The following CERS3 variants were observed in gnomAD, a reference collection of about 807,000 sequenced individuals.
The protein encoded by CERS3 is LAG1 homolog, ceramide synthase 3.
Under a neutral mutation model 50.3 loss-of-function variants are expected in CERS3, and 33 were observed. The observed-to-expected ratio is 0.66, with a 90% confidence interval of 0.50 to 0.88. The LOEUF is 0.88. Ranked by LOEUF, CERS3 falls within the 40% of genes least tolerant of loss-of-function variation. The pLI, the probability that CERS3 is intolerant of heterozygous loss-of-function variation, is 0.00. For missense variants in CERS3, 470 were observed against 460.3 expected (o/e 1.02, Z -0.19); for synonymous variants, 176 against 155.2 (o/e 1.13, Z -0.99).
At chr15:100,472,778 A>T in intron 9 of CERS3, 146 bp downstream of exon 9, 2 of 887,650 alleles carry the variant, frequency 2.3e-6, no homozygotes. Context: ...GTAATCTTGG[A>T]GGATCTGGGA....
chr15:100,490,358 G>A (rs577838380), intron 4 of CERS3, among the ~76,000 whole-genome samples: 1 of 152,056 alleles, frequency 6.6e-6, no homozygotes, highest in South Asian at 2.1e-4. Context: ...TTGAGGCTTT[G>A]AATAAAATAA....
chr15:100,477,082 A>G (rs2035150900), intron 7 of CERS3, among the ~76,000 whole-genome samples: 1 of 152,234 alleles, frequency 6.6e-6, no homozygotes, highest in African/African-American at 2.4e-5. Context: ...TTGACACCAC[A>G]TGGAGCAGAA....
rs535422341 is a variant in CERS3, at chr15:100,468,732, A to C, written c.845+646T>G. Among the ~76,000 whole-genome samples the C allele has an allele frequency of 2.0e-5, 3 of 152,342 alleles. No individual in the cohort carries two copies. In the South Asian group the frequency reaches 6.2e-4, roughly 32 times the overall value. On this transcript the variant is annotated intron_variant, in intron 10 of 11. Coordinates refer to ENST00000679737, the MANE Select transcript of CERS3 (RefSeq NM_001378789.1). Reference sequence around the variant, plus strand: ...CAACACATGGAACATTATGCTTCCCAAGGAAATGATTGTCATGGGAGATGT... The same window carrying C: ...CAACACATGGAACATTATGCTTCCCCAGGAAATGATTGTCATGGGAGATGT...
chr15:100,433,553 G>T (rs1232743891), intron 11 of CERS3, among the ~76,000 whole-genome samples: 1 of 152,144 alleles, frequency 6.6e-6, no homozygotes, highest in Admixed American at 6.5e-5. Flanking sequence ...CATCTCTGAA[G>T]GGCCACCCAG....
chr15:100,413,299 C>T (rs2031627415), intron 11 of CERS3, among the ~76,000 whole-genome samples: 1 of 152,112 alleles, frequency 6.6e-6, no homozygotes, highest in African/African-American at 2.4e-5. Context: ...AGTAAAGCAA[C>T]ATTCAAGGAA....
chr15:100,468,329 C>G (rs947505908), intron 10 of CERS3, among the ~76,000 whole-genome samples: 2 of 152,080 alleles, frequency 1.3e-5, no homozygotes, highest in Non-Finnish European at 1.5e-5. Flanking sequence ...TCACAAAGGT[C>G]GTAAGTGTGG....
Position 100,484,649 on chromosome 15 carries a change from G to C in CERS3, c.308C>G (p.Ala103Gly). The C allele has an allele frequency of 3.7e-6, 6 of 1,613,606 alleles. No individual in the cohort carries two copies. Among genetic ancestry groups the C allele is most frequent in the Non-Finnish European group, 5.1e-6 (6 of 1,179,620 alleles). The change falls in exon 5 of 12, where the codon GCA becomes GGA. Residue 103 changes from alanine to glycine, a missense_variant. Transcript: ENST00000679737. ...QPLQTDIYGLAKKCNLTERQV... is the reference protein window; with the variant it reads ...QPLQTDIYGLGKKCNLTERQV... ...GCGCTCCGTCAAGTTACACTTCTTT[G>C]CCAGTCCATAAATATCAGTCTGAAA...
intron 11 of CERS3, among the ~76,000 whole-genome samples, chr15:100,429,537 A>G (rs2033005150): frequency 6.6e-6 from 1 of 152,072 alleles, no homozygotes; most frequent in African/African-American, 2.4e-5. Context: ...GCTTCCTTTC[A>G]TATTTGGGGC....
At position 100,484,988 on chromosome 15, in the gene CERS3, C is replaced by T. The variant is rs78067570; in HGVS notation, c.289-320G>A. Among the ~76,000 whole-genome samples, 642 of 152,264 alleles carry T rather than the reference C, an allele frequency of 4.2e-3. 2 individuals carry two copies. Among genetic ancestry groups the T allele is most frequent in the Non-Finnish European group, 7.5e-3 (510 of 68,012 alleles). ...TAAAATGTGCTTAGGACTTCCCAGGCGCCAGGTAGAGTAGCATAGTTTAAA... is the reference window on the plus strand; with the variant it reads ...TAAAATGTGCTTAGGACTTCCCAGGTGCCAGGTAGAGTAGCATAGTTTAAA... On this transcript the variant is annotated intron_variant, in intron 4 of 11. Coordinates refer to ENST00000679737, the MANE Select transcript of CERS3 (RefSeq NM_001378789.1).
At chr15:100,498,810 T>C (rs767633199) in intron 3 of CERS3, among the ~76,000 whole-genome samples, 3 of 152,248 alleles carry the variant, frequency 2.0e-5, no homozygotes, top group Non-Finnish European at 4.4e-5. Context: ...CACTAGCCTA[T>C]TGGCATAAGA....
At chr15:100,471,798 G>T (rs966666108) in intron 9 of CERS3, among the ~76,000 whole-genome samples, 1 of 152,176 alleles carries the variant, frequency 6.6e-6, no homozygotes, top group Non-Finnish European at 1.5e-5. Flanking sequence ...AATTCTGTAC[G>T]CAGAGGATAT....
At chr15:100,403,866 A>T (rs1330023467) in intron 11 of CERS3, among the ~76,000 whole-genome samples, 1 of 144,472 alleles carries the variant, frequency 6.9e-6, no homozygotes, top group East Asian at 2.2e-4. Flanking sequence ...ATAGAAGAGG[A>T]GGGAACAGGT....
At chr15:100,438,450 A>G (rs1166047081) in intron 11 of CERS3, among the ~76,000 whole-genome samples, 2 of 152,178 alleles carry the variant, frequency 1.3e-5, no homozygotes, top group African/African-American at 4.8e-5. Flanking sequence ...TCACTATTTT[A>G]TAACTCCATA....
chr15:100,534,039 T>A (rs987654680), intron 1 of CERS3, among the ~76,000 whole-genome samples: 1 of 152,242 alleles, frequency 6.6e-6, no homozygotes. Flanking sequence ...CAGTGCTGTA[T>A]GCAGGCCAGA....
chr15:100,455,252 G>GA (rs140205540), intron 11 of CERS3, among the ~76,000 whole-genome samples: 5,317 of 143,986 alleles, frequency 0.037, 144 homozygotes, highest in African/African-American at 0.069. Flanking sequence ...TTATCCCAAG[G>GA]AAAAAAAAAA....
intron 2 of CERS3, among the ~76,000 whole-genome samples, chr15:100,514,357 T>C (rs962714663): frequency 6.6e-6 from 1 of 152,194 alleles, no homozygotes. Flanking sequence ...AAAAATAATA[T>C]TCAGTGCTAA....
At chr15:100,407,808 T>G (rs949526167) in intron 11 of CERS3, among the ~76,000 whole-genome samples, 9 of 152,240 alleles carry the variant, frequency 5.9e-5, no homozygotes, top group Admixed American at 4.6e-4. Flanking sequence ...TTAAAGTATA[T>G]AGGAGGCAGT....
At chr15:100,404,077 G>A (rs1301447637) in intron 11 of CERS3, among the ~76,000 whole-genome samples, 1 of 152,216 alleles carries the variant, frequency 6.6e-6, no homozygotes, top group African/African-American at 2.4e-5. Context: ...AGACTGGAAT[G>A]ATGCAGTTAC....
chr15:100,474,388 G>A (rs2035059647), intron 8 of CERS3, among the ~76,000 whole-genome samples: 1 of 151,908 alleles, frequency 6.6e-6, no homozygotes, highest in African/African-American at 2.4e-5. Flanking sequence ...AGCACTTGCT[G>A]TATATCAGGA....
Sources: allele counts gnomAD v4.1 joint callset (sites outside exome capture counted in the v4.1 genomes callset), GRCh38; gene constraint gnomAD v4.1.1; transcripts MANE v1.5; gene names NCBI Gene and HGNC (gene_info 2026-07-23, HGNC 2026-07-21).